RARB: variants seen among roughly 807,000 people sequenced by gnomAD.
The protein encoded by RARB is retinoic acid receptor beta.
Under a neutral mutation model 51.9 loss-of-function variants are expected in RARB, and 17 were observed. The observed-to-expected ratio is 0.33, with a 90% CI of 0.22 to 0.49. The LOEUF is 0.49. Ranked by LOEUF, RARB falls within the 20% of genes least tolerant of loss-of-function variation. RARB has a pLI of 0.99. For missense variants in RARB, 369 were observed against 550.8 expected (o/e 0.67, Z 3.30); for synonymous variants, 215 against 195.4 (o/e 1.10, Z -0.84).
intron 5 of RARB, among the ~76,000 whole-genome samples, chr3:25,217,739 T>C (rs1373447391): frequency 6.6e-6 from 1 of 152,200 alleles, no homozygotes; most frequent in Non-Finnish European, 1.5e-5. Context: ...TAATTGAGAA[T>C]GTGCACTAAG....
intron 2 of RARB, among the ~76,000 whole-genome samples, chr3:25,493,427 A>AT (rs1696848656): frequency 6.6e-6 from 1 of 151,880 alleles, no homozygotes; most frequent in Non-Finnish European, 1.5e-5. Flanking sequence ...TTCCACACTC[A>AT]CCTCCTACTG....
At chr3:24,983,956 T>C (rs1329477709) in intron 2 of RARB, among the ~76,000 whole-genome samples, 3 of 152,174 alleles carry the variant, frequency 2.0e-5, no homozygotes, top group Non-Finnish European at 4.4e-5. Context: ...GAGCAAGCAA[T>C]TTCCAATTAA....
intron 5 of RARB, among the ~76,000 whole-genome samples, chr3:25,253,860 C>T (rs911112061): frequency 1.3e-5 from 2 of 152,072 alleles, no homozygotes; most frequent in Non-Finnish European, 2.9e-5. Flanking sequence ...TGGAACCGCA[C>T]CTTTAGCTTA....
At chr3:24,879,285 C>G (rs570523530) in intron 2 of RARB, among the ~76,000 whole-genome samples, 140 of 151,762 alleles carry the variant, frequency 9.2e-4, no homozygotes, top group Non-Finnish European at 1.6e-3. Flanking sequence ...AAAAATTAGC[C>G]GGGCGTGGTG....
chr3:25,488,192 G>A (rs1400260118), intron 2 of RARB, among the ~76,000 whole-genome samples: 1 of 152,100 alleles, frequency 6.6e-6, no homozygotes, highest in Non-Finnish European at 1.5e-5. Context: ...GATTTACGGG[G>A]GCCCGGCTCT....
At chr3:25,431,045 T>TG (rs948920313) in intron 1 of RARB, among the ~76,000 whole-genome samples, 22 of 150,578 alleles carry the variant, frequency 1.5e-4, no homozygotes, top group Non-Finnish European at 2.5e-4. Flanking sequence ...ATGCAGTGTT[T>TG]GGTTCAGGGT....
chr3:25,297,534 G>T (rs1219354081), intron 5 of RARB, among the ~76,000 whole-genome samples: 1 of 147,954 alleles, frequency 6.8e-6, no homozygotes, highest in Non-Finnish European at 1.5e-5. Flanking sequence ...AAGAATCATG[G>T]TTTGTTTGTT....
At chr3:24,909,108 G>A (rs988385710) in intron 2 of RARB, among the ~76,000 whole-genome samples, 22 of 152,098 alleles carry the variant, frequency 1.4e-4, no homozygotes, top group African/African-American at 4.8e-4. Context: ...TATTATAATG[G>A]CCTTTTGGTG....
chr3:25,277,494 C>G (rs1208369923), intron 5 of RARB, among the ~76,000 whole-genome samples: 1 of 152,144 alleles, frequency 6.6e-6, no homozygotes, highest in African/African-American at 2.4e-5. Context: ...TCTCAGAGAA[C>G]AGTTTGCAAA....
chr3:25,311,879 C>G (rs1704299350), intron 5 of RARB, among the ~76,000 whole-genome samples: 1 of 152,140 alleles, frequency 6.6e-6, no homozygotes, highest in Admixed American at 6.5e-5. Context: ...CAAGCTCTGC[C>G]TCCTGGTTGA....
intron 2 of RARB, among the ~76,000 whole-genome samples, chr3:24,906,592 C>T (rs1694868752): frequency 6.6e-6 from 1 of 152,008 alleles, no homozygotes; most frequent in Admixed American, 6.5e-5. Flanking sequence ...CCTGTAATCC[C>T]AGCACTTTGG....
intron 5 of RARB, among the ~76,000 whole-genome samples, chr3:25,186,152 A>G (rs547838447): frequency 4.9e-4 from 74 of 152,164 alleles, no homozygotes; most frequent in Admixed American, 1.9e-3. Context: ...CCCAACGAAA[A>G]ATAAACAAAA....
chr3:25,596,184 A>AT (rs1251460956), intron 7 of RARB, among the ~76,000 whole-genome samples: 2 of 152,162 alleles, frequency 1.3e-5, no homozygotes, highest in Non-Finnish European at 2.9e-5. Flanking sequence ...CTAACACATG[A>AT]TTTTTGGTGG....
intron 3 of RARB, among the ~76,000 whole-genome samples, chr3:25,113,803 G>A (rs1039293): frequency 0.49 from 74,353 of 151,920 alleles, 18,635 homozygotes; most frequent in East Asian, 0.66. Flanking sequence ...TGACCACCAA[G>A]ACAGGAGGAA....
intron 2 of RARB, among the ~76,000 whole-genome samples, chr3:25,497,390 A>G (rs905196170): frequency 2.6e-5 from 4 of 152,176 alleles, no homozygotes; most frequent in African/African-American, 7.2e-5. Flanking sequence ...ATGCAGATAG[A>G]CAGTCTCTCT....
chr3:24,885,980 C>T (rs181346381), intron 2 of RARB, among the ~76,000 whole-genome samples: 1 of 152,258 alleles, frequency 6.6e-6, no homozygotes. Flanking sequence ...ATTTAGGGGA[C>T]TTTCAAGGGT....
intron 4 of RARB, among the ~76,000 whole-genome samples, chr3:25,151,678 T>G (rs1575183854): frequency 6.6e-6 from 1 of 152,330 alleles, no homozygotes. Flanking sequence ...GTTTCCTGTT[T>G]CCGTCTATTG....
upstream of RARB, among the ~76,000 whole-genome samples, chr3:25,425,990 T>C (rs952017244): frequency 6.6e-6 from 1 of 152,218 alleles, no homozygotes; most frequent in African/African-American, 2.4e-5. Context: ...CTACTTCCAA[T>C]ATAGCTGTTT....
intron 1 of RARB, among the ~76,000 whole-genome samples, chr3:25,440,276 A>T (rs1042051966): frequency 2.0e-5 from 3 of 151,590 alleles, no homozygotes; most frequent in African/African-American, 7.3e-5. Context: ...ACACGGCAGA[A>T]CCCTGTCTCT....
Sources: gnomAD v4.1 joint callset for allele counts (sites outside exome capture counted in the v4.1 genomes callset) on GRCh38, gnomAD v4.1.1 for gene constraint, MANE v1.5 for transcripts, NCBI Gene and HGNC (gene_info 2026-07-23, HGNC 2026-07-21) for gene names.